The following ADGRV1 variants were observed in gnomAD, a reference collection of about 807,000 sequenced individuals.
ADGRV1 encodes G-protein coupled receptor 98.
ADGRV1 carries 359 observed loss-of-function variants against 596.2 expected under a neutral mutation model. The observed-to-expected ratio is 0.60, with a 90% CI of 0.55 to 0.66. The LOEUF (loss-of-function observed/expected upper bound fraction) is 0.66, where lower values mean the gene tolerates loss of function less well. ADGRV1 is among the 30% of genes least tolerant of loss of function. The pLI, the probability that ADGRV1 is intolerant of heterozygous loss-of-function variation, is 0.00. For missense variants in ADGRV1, 7,274 were observed against 7,575.6 expected, an observed-to-expected ratio of 0.96 and a Z score of 1.48; for synonymous variants, 2,681 against 2,679.2, an observed-to-expected ratio of 1.00 and a Z score of -0.02.
intron 52 of ADGRV1, among the ~76,000 whole-genome samples, chr5:90,746,906 C>T (rs538194243): frequency 1.6e-4 from 25 of 152,150 alleles, no homozygotes; most frequent in African/African-American, 6.0e-4. Flanking sequence ...GAAAATAAGA[C>T]GGTAAAATTC....
chr5:90,717,202 T>A (rs1160653692), intron 43 of ADGRV1: 1 of 152,600 alleles, frequency 6.6e-6, no homozygotes, highest in East Asian at 1.9e-4. Context: ...TTGGGATAAA[T>A]ATGATCTATA....
chr5:90,972,087 G>C lies in ADGRV1; in HGVS notation c.17973+6556G>C, dbSNP rs554115052. 4.6e-5 allele frequency among the ~76,000 whole-genome samples: 7 copies of C among 152,248 alleles called. 1 individual carries two copies. The highest frequency in any genetic ancestry group is 1.7e-4 in the African/African-American group (7 of 41,550). ...ATAAAACAGACTTTAGACCAATAAA[G>C]CTCAAAAGAGACAAAGAAGGCCATT... is the stretch of plus-strand genomic sequence containing the variant. On this transcript the variant is annotated intron_variant, in intron 84 of 89. Transcript: ENST00000405460.
rs375750908 is a variant in ADGRV1 at position 90,811,175 on chromosome 5, T to C, written c.15915T>C (p.Asp5305=). Residue 5305 remains aspartate, a synonymous_variant, in exon 74 of 90, where the codon GAT becomes GAC. Coordinates refer to ENST00000405460, the MANE Select transcript of ADGRV1 (RefSeq NM_032119.4). ...AAACTCTTACCCTTATATTCCTAGA[T>C]GGAGAAAGAGAACGTAAAGTATCAG... ...EEQTLTLIFL[D]GERERKVSVQ... is the part of the protein sequence containing the mutation. 1.2e-6 allele frequency: 2 copies of C among 1,613,840 alleles called. No homozygotes were observed. The highest frequency in any genetic ancestry group is 1.7e-6 in the Non-Finnish European group (2 of 1,179,822).
intron 83 of ADGRV1, among the ~76,000 whole-genome samples, chr5:90,948,792 A>T (rs1193478076): frequency 6.6e-6 from 1 of 152,164 alleles, no homozygotes; most frequent in African/African-American, 2.4e-5. Context: ...ATAGTTGATT[A>T]AGTATTGTAC....
chr5:91,140,672 T>A (rs1441536027), intron 87 of ADGRV1, among the ~76,000 whole-genome samples: 1 of 152,180 alleles, frequency 6.6e-6, no homozygotes, highest in Non-Finnish European at 1.5e-5. Flanking sequence ...CCACCCAGAT[T>A]TGTACTTCGG....
intron 85 of ADGRV1, among the ~76,000 whole-genome samples, chr5:91,043,452 T>C (rs1156788110): frequency 6.6e-6 from 1 of 152,110 alleles, no homozygotes; most frequent in Admixed American, 6.6e-5. Context: ...CCCAGCAGCC[T>C]TTTTGTTCAG....
At chr5:90,777,779 G>C in intron 61 of ADGRV1, 126 bp from the exon 62 acceptor site, 1 of 831,404 alleles carries the variant, frequency 1.2e-6, no homozygotes, top group Non-Finnish European at 1.8e-6. Context: ...TGGTAAATGA[G>C]GTTATTTAAA....
At chr5:91,012,119 C>T (rs1040818400) in intron 85 of ADGRV1, among the ~76,000 whole-genome samples, 18 of 151,942 alleles carry the variant, frequency 1.2e-4, no homozygotes, top group Non-Finnish European at 2.7e-4. Context: ...TTTTTCTTTA[C>T]ACTGGGGCTA....
chr5:90,634,380 A>G (rs1443159867), intron 9 of ADGRV1, among the ~76,000 whole-genome samples: 2 of 152,220 alleles, frequency 1.3e-5, no homozygotes, highest in African/African-American at 2.4e-5. Flanking sequence ...ACAGACCCAC[A>G]AGAGCTCTGC....
At chr5:90,817,518 G>A (rs1363774423) in intron 75 of ADGRV1, among the ~76,000 whole-genome samples, 1 of 151,590 alleles carries the variant, frequency 6.6e-6, no homozygotes, top group Non-Finnish European at 1.5e-5. Flanking sequence ...TAATGCCTAG[G>A]TTTTCTTCTA....
Position 90,694,424 on chromosome 5 carries a change from T to C in ADGRV1, c.7668T>C (p.Asn2556=). The C allele has an allele frequency of 1.2e-6, 2 of 1,613,954 alleles. No homozygotes were observed. The highest frequency in any genetic ancestry group is 1.7e-6 in the Non-Finnish European group (2 of 1,179,866). The change falls in exon 33 of 90, where the codon AAT becomes AAC. Residue 2556 remains asparagine (N), a synonymous_variant. Transcript: ENST00000405460. ...HLMNISASLK[N]QPTIGQPNIS... is the part of the protein sequence containing the mutation. ...TGAACATTTCAGCCAGTTTGAAAAATCAGCCAACCATAGGACAGCCAAATA... is the reference window on the plus strand; with the variant it reads ...TGAACATTTCAGCCAGTTTGAAAAACCAGCCAACCATAGGACAGCCAAATA...
intron 34 of ADGRV1, among the ~76,000 whole-genome samples, chr5:90,700,782 A>G (rs374265847): frequency 3.9e-5 from 6 of 152,298 alleles, no homozygotes; most frequent in African/African-American, 1.4e-4. Flanking sequence ...GCTTCACATT[A>G]TTCATATTCC....
chr5:90,979,111 A>G (rs548957238), intron 84 of ADGRV1, among the ~76,000 whole-genome samples: 3 of 152,238 alleles, frequency 2.0e-5, no homozygotes, highest in African/African-American at 4.8e-5. Flanking sequence ...GTGAAAAAAA[A>G]TGAGAACAGG....
chr5:90,762,566 G>A (rs1756624106), intron 58 of ADGRV1: 1 of 152,126 alleles, frequency 6.6e-6, no homozygotes, highest in Admixed American at 6.5e-5. Flanking sequence ...TTGCTTCACA[G>A]AGTCAACATA....
At chr5:90,948,922 C>A (rs79592873) in intron 83 of ADGRV1, among the ~76,000 whole-genome samples, 1 of 151,792 alleles carries the variant, frequency 6.6e-6, no homozygotes, top group African/African-American at 2.4e-5. Flanking sequence ...AAGTCGGGGC[C>A]GTCTGTGTAT....
intron 77 of ADGRV1, among the ~76,000 whole-genome samples, chr5:90,835,688 G>A (rs1764912730): frequency 1.3e-5 from 2 of 152,194 alleles, no homozygotes; most frequent in South Asian, 4.1e-4. Flanking sequence ...GGTCCCAGGT[G>A]GAAATGGCAC....
At chr5:90,755,272 T>C (rs981019049) in intron 55 of ADGRV1, 87 bp downstream of exon 55, 15 of 716,468 alleles carry the variant, frequency 2.1e-5, no homozygotes, top group Admixed American at 3.3e-5. Flanking sequence ...TAAAAATCTT[T>C]TTTTTAATAA....
chr5:90,652,234 G>C, intron 18 of ADGRV1, 112 bp from the exon 19 acceptor site: 1 of 678,804 alleles, frequency 1.5e-6, no homozygotes, highest in Non-Finnish European at 2.3e-6. Context: ...GAACCAGCTG[G>C]TTTGTTTCTT....
At position 90,766,064 on chromosome 5, in the gene ADGRV1, C is replaced by T. The variant is rs184695721; in HGVS notation, c.12285+2595C>T. On this transcript the variant is annotated intron_variant, in intron 59 of 89. Transcript: ENST00000405460. Reference sequence around the variant, plus strand: ...AGCTGGGACTACAGGCGCCCGCCACCACACCTGGCTAATTTTTTGTATTTT... The same window carrying T: ...AGCTGGGACTACAGGCGCCCGCCACTACACCTGGCTAATTTTTTGTATTTT... Among the ~76,000 whole-genome samples, 15 of 152,152 alleles carry T rather than the reference C, an allele frequency of 9.9e-5. No homozygotes were observed. The East Asian group carries it at 1.7e-3, about 18-fold the overall frequency.
Sources: gnomAD v4.1 joint callset for allele counts (sites outside exome capture counted in the v4.1 genomes callset) on GRCh38, gnomAD v4.1.1 for gene constraint, MANE v1.5 for transcripts, NCBI Gene and HGNC (gene_info 2026-07-23, HGNC 2026-07-21) for gene names.